The following TRIO variants were observed in gnomAD, a reference collection of about 807,000 sequenced individuals.
The protein encoded by TRIO is trio Rho guanine nucleotide exchange factor, also known as triple functional domain protein.
In TRIO, 58 loss-of-function variants were observed where a neutral mutation model predicts 351.9. The ratio of observed to expected loss-of-function variants is 0.16; its 90% CI spans 0.13 to 0.21. TRIO has a LOEUF of 0.21. TRIO is among the 10% of genes least tolerant of loss of function. The pLI, the probability that TRIO is intolerant of heterozygous loss-of-function variation, is 1.00. For synonymous variants in TRIO, 1,758 were observed against 1,595.7 expected, an observed-to-expected ratio of 1.10 and a Z score of -2.42; for missense variants, 3,201 against 4,027.8, an observed-to-expected ratio of 0.79 and a Z score of 5.56.
chr5:14,488,625 A>G, intron 48 of TRIO: 1 of 493,756 alleles, frequency 2.0e-6, no homozygotes. Flanking sequence ...CCTCCTGTTT[A>G]AATTGAAACC....
At chr5:14,472,412 G>A (rs979415747) in intron 38 of TRIO, among the ~76,000 whole-genome samples, 180 bp from the exon 39 acceptor site, 5 of 152,188 alleles carry the variant, frequency 3.3e-5, no homozygotes, top group African/African-American at 7.2e-5. Flanking sequence ...CAGAGCTCTC[G>A]TGGGTCACCC....
Position 14,286,829 on chromosome 5 carries a change from A to C in TRIO, c.348-42A>C. The C allele has an allele frequency of 2.9e-4, 455 of 1,563,138 alleles. No homozygotes were observed. The highest frequency in any genetic ancestry group is 3.5e-4 in the Non-Finnish European group (402 of 1,146,512). On this transcript the variant is annotated intron_variant, in intron 3 of 56. Coordinates refer to ENST00000344204, the MANE Select transcript of TRIO (RefSeq NM_007118.4). The surrounding 1 kb of genome is among the most constrained non-coding windows in gnomAD (Gnocchi z 4.4). The stretch of plus-strand genomic sequence containing the variant: ...GGGACTCTGACCAGGCAGAGTGGCA[A>C]GAGATGTAACCCGTCTTCAGCCATG...
intron 47 of TRIO, 58 bp from the exon 48 acceptor site, chr5:14,487,405 AC>A: frequency 1.8e-6 from 2 of 1,088,602 alleles, no homozygotes; most frequent in African/African-American, 1.7e-5. Context: ...TTCCTCCCTC[AC>A]CCCGCGGCGT....
At chr5:14,448,355 G>A (rs1752591089) in intron 34 of TRIO, among the ~76,000 whole-genome samples, 1 of 152,210 alleles carries the variant, frequency 6.6e-6, no homozygotes, top group Non-Finnish European at 1.5e-5. Flanking sequence ...GCGGGGGCTG[G>A]GGGAATATGG....
Position 14,316,605 on chromosome 5 carries a change from C to T in TRIO, c.1593C>T (p.Ser531=). Reference sequence around the variant, plus strand: ...CCCTGACAGCCTCTGCCAACTACTCCAAGGCCGTGCACCATGTCCTGGATG... The same window carrying T: ...CCCTGACAGCCTCTGCCAACTACTCTAAGGCCGTGCACCATGTCCTGGATG... ...SDSLTASANY[S]KAVHHVLDVI... The change falls in exon 9 of 57, where the codon TCC becomes TCT. Residue 531 remains serine, a synonymous_variant. Coordinates refer to ENST00000344204, the MANE Select transcript of TRIO (RefSeq NM_007118.4). 3.7e-6 allele frequency: 6 copies of T among 1,614,218 alleles called. No individual in the cohort carries two copies. Among genetic ancestry groups the T allele is most frequent in the Non-Finnish European group, 5.1e-6 (6 of 1,180,048 alleles).
In TRIO at chr5:14,402,220, G is replaced by A. The variant is rs143522898; in HGVS notation, c.4716+1156G>A. Among the ~76,000 whole-genome samples, 700 of 152,272 alleles carry A rather than the reference G, an allele frequency of 4.6e-3. 7 individuals carry two copies. The highest frequency in any genetic ancestry group is 5.2e-3 in the Non-Finnish European group (353 of 68,026). Reference sequence around the variant, plus strand: ...TGGAAACTTGCAACTTATATAAACCGCTTATCCAGACTAGCTACAGTAGTA... The same window carrying A: ...TGGAAACTTGCAACTTATATAAACCACTTATCCAGACTAGCTACAGTAGTA... On this transcript the variant is annotated intron_variant, in intron 31 of 56. Transcript: ENST00000344204.
At chr5:14,271,003 C>A in intron 2 of TRIO, 104 bp downstream of exon 2, 1 of 817,868 alleles carries the variant, frequency 1.2e-6, no homozygotes. Flanking sequence ...AAAACATTGG[C>A]ATTTCTATGA....
chr5:14,507,268 A>AGGCCCCG lies in TRIO; in HGVS notation c.8751+12_8751+18dup. On this transcript the variant is annotated intron_variant, in intron 56 of 56. Coordinates refer to ENST00000344204, the MANE Select transcript of TRIO (RefSeq NM_007118.4). ...GCACACCTGGACCTAAAGGTTGGTG[A>AGGCCCCG]GGCCCCGGGCAGGTGAAGGGGGGTC... is the stretch of plus-strand genomic sequence containing the variant. 1 of 1,611,082 alleles carries AGGCCCCG rather than the reference A, an allele frequency of 6.2e-7. No individual in the cohort carries two copies. Among genetic ancestry groups the AGGCCCCG allele is most frequent in the Non-Finnish European group, 8.5e-7 (1 of 1,179,776 alleles).
At chr5:14,507,376 G>T in intron 56 of TRIO, 116 bp downstream of exon 56, 9 of 1,445,254 alleles carry the variant, frequency 6.2e-6, no homozygotes, top group Non-Finnish European at 8.3e-6. Context: ...GGGACAAAAA[G>T]GGTGGGTGGG....
chr5:14,289,684 C>A (rs1375267710), intron 4 of TRIO, among the ~76,000 whole-genome samples: 1 of 151,812 alleles, frequency 6.6e-6, no homozygotes, highest in Non-Finnish European at 1.5e-5. Flanking sequence ...CCCGTCTCTA[C>A]TAAAAATACA....
intron 1 of TRIO, among the ~76,000 whole-genome samples, chr5:14,241,906 G>A (rs750001261): frequency 1.2e-4 from 19 of 152,098 alleles, no homozygotes; most frequent in Non-Finnish European, 1.9e-4. Flanking sequence ...CAATACACTT[G>A]AGTGCTATGA....
At chr5:14,221,171 G>C (rs537592994) in intron 1 of TRIO, among the ~76,000 whole-genome samples, 1 of 152,274 alleles carries the variant, frequency 6.6e-6, no homozygotes, top group African/African-American at 2.4e-5. Context: ...CCCATCTGTT[G>C]ACAGCATGGT....
At chr5:14,388,543 A>C in intron 23 of TRIO, 70 bp from the exon 24 acceptor site, 1 of 1,438,546 alleles carries the variant, frequency 7.0e-7, no homozygotes, top group Non-Finnish European at 9.6e-7. Context: ...TTATTTCATA[A>C]ATCCATAAAA....
chr5:14,234,154 A>G (rs950202140), intron 1 of TRIO, among the ~76,000 whole-genome samples: 6 of 152,182 alleles, frequency 3.9e-5, no homozygotes, highest in African/African-American at 1.4e-4. Flanking sequence ...TGTCATTATT[A>G]TTGCCAATGA....
chr5:14,296,935 AT>A (rs1332257442), intron 6 of TRIO, 136 bp from the exon 7 acceptor site: 2 of 586,766 alleles, frequency 3.4e-6, no homozygotes, highest in Non-Finnish European at 5.8e-6. Context: ...AATATTATAT[AT>A]ATCAGGTGAT....
At chr5:14,344,918 T>G (rs571486126) in intron 11 of TRIO, among the ~76,000 whole-genome samples, 1 of 152,332 alleles carries the variant, frequency 6.6e-6, no homozygotes, top group East Asian at 1.9e-4. Flanking sequence ...AAAAATCATT[T>G]TGTACACATC....
At chr5:14,335,467 C>CCA in intron 10 of TRIO, among the ~76,000 whole-genome samples, 1 of 152,286 alleles carries the variant, frequency 6.6e-6, no homozygotes, top group Middle Eastern at 3.4e-3. Context: ...CCCGGGGCTC[C>CCA]CCTCCCACCT....
intron 8 of TRIO, among the ~76,000 whole-genome samples, chr5:14,315,117 C>T (rs991897576): frequency 1.4e-4 from 21 of 152,252 alleles, no homozygotes; most frequent in African/African-American, 5.1e-4. Context: ...GGGTCACTTG[C>T]CACCAGGTTT....
intron 1 of TRIO, among the ~76,000 whole-genome samples, chr5:14,254,545 A>G (rs1397667592): frequency 6.6e-6 from 1 of 152,168 alleles, no homozygotes; most frequent in African/African-American, 2.4e-5. Flanking sequence ...AAGGAAGGAT[A>G]CAGGAAGTGG....
Sources: allele counts gnomAD v4.1 joint callset (sites outside exome capture counted in the v4.1 genomes callset), GRCh38; gene constraint gnomAD v4.1.1; non-coding constraint Gnocchi (gnomAD v3.1); transcripts MANE v1.5; gene names NCBI Gene and HGNC (gene_info 2026-07-23, HGNC 2026-07-21).